LCK: variants seen among roughly 807,000 people sequenced by gnomAD.
The protein encoded by LCK is tyrosine-protein kinase Lck.
In LCK, 14 loss-of-function variants were observed where a neutral mutation model predicts 64.6. The ratio of observed to expected loss-of-function variants is 0.22; its 90% confidence interval spans 0.14 to 0.34. LCK has a LOEUF of 0.34. Among genes scored for constraint, LCK ranks in the 10% least tolerant of loss-of-function variants. LCK has a pLI of 1.00. For synonymous variants in LCK, 277 were observed against 263.6 expected (o/e 1.05, Z -0.49); for missense variants, 434 against 668.1 (o/e 0.65, Z 3.86).
chr1:32,260,180 T>C (rs1292637686), intron 1 of LCK, among the ~76,000 whole-genome samples: 3 of 151,946 alleles, frequency 2.0e-5, no homozygotes, highest in Non-Finnish European at 2.9e-5. Flanking sequence ...TTCAGCTAAT[T>C]TTTTGTATTT....
intron 12 of LCK, among the ~76,000 whole-genome samples, chr1:32,285,031 C>T (rs552501123): frequency 2.0e-5 from 3 of 151,398 alleles, no homozygotes; most frequent in Non-Finnish European, 2.9e-5. Context: ...CAGGTGGGCA[C>T]GGTGGCTCAC....
intron 12 of LCK, among the ~76,000 whole-genome samples, chr1:32,283,279 ACT>A (rs1371869539): frequency 1.5e-5 from 2 of 134,298 alleles, no homozygotes; most frequent in African/African-American, 6.0e-5. Context: ...ACAGAGCGAG[ACT>A]CTGTCTCAAA....
chr1:32,277,744 G>T (rs1640325941), intron 9 of LCK, among the ~76,000 whole-genome samples: 2 of 152,304 alleles, frequency 1.3e-5, no homozygotes, highest in South Asian at 4.1e-4. Flanking sequence ...TGGGTCAGAA[G>T]CCTGGCTTCA....
At chr1:32,284,972 G>A (rs1197907301) in intron 12 of LCK, among the ~76,000 whole-genome samples, 1 of 152,144 alleles carries the variant, frequency 6.6e-6, no homozygotes, top group African/African-American at 2.4e-5. Flanking sequence ...TCCAGCCTGG[G>A]CAACATAGTG....
At chr1:32,254,857 C>T (rs1258595320) in intron 1 of LCK, among the ~76,000 whole-genome samples, 1 of 152,138 alleles carries the variant, frequency 6.6e-6, no homozygotes, top group Admixed American at 6.5e-5. Flanking sequence ...GTTTTAAAAA[C>T]ACTCAAACAG....
rs763803879 is a variant in LCK at position 32,279,895 on chromosome 1, C to T, written c.1096C>T (p.Arg366Trp). The change falls in exon 11 of 13, where the codon CGG (arginine) becomes TGG (tryptophan). Residue 366 changes from arginine (R) to tryptophan (W), a missense_variant. Coordinates refer to ENST00000336890, the MANE Select transcript of LCK (RefSeq NM_005356.5). The part of the protein sequence containing the change: ...EERNYIHRDL[R>W]AANILVSDTL... ...GCGGAATTATATTCATCGTGACCTT[C>T]GGGCTGCCAACATTCTGGTGTCTGA... The T allele has an allele frequency of 1.2e-6, 2 of 1,614,186 alleles. No individual in the cohort carries two copies. Among genetic ancestry groups the T allele is most frequent in the Non-Finnish European group, 8.5e-7 (1 of 1,180,038 alleles).
chr1:32,284,552 T>C (rs1034212888), intron 12 of LCK, among the ~76,000 whole-genome samples: 1 of 151,664 alleles, frequency 6.6e-6, no homozygotes, highest in Non-Finnish European at 1.5e-5. Context: ...GTATTTTTAG[T>C]AAAGATGGGG....
In LCK at chr1:32,279,959, G is replaced by A; in HGVS notation, c.1160G>A (p.Arg387His). 3.1e-6 allele frequency: 5 copies of A among 1,614,156 alleles called. No homozygotes were observed. Among genetic ancestry groups the A allele is most frequent in the Non-Finnish European group, 4.2e-6 (5 of 1,180,040 alleles). ...SCKIADFGLA[R>H]LIEDNEYTAR... is the part of the protein sequence containing the mutation. ...AAGATTGCAGACTTTGGCCTAGCAC[G>A]CCTCATTGAGGACAACGAGTACACA... Residue 387 changes from arginine to histidine, a missense_variant, in exon 11 of 13, where the codon CGC (arginine) becomes CAC (histidine). Coordinates refer to ENST00000336890, the MANE Select transcript of LCK (RefSeq NM_005356.5).
chr1:32,271,256 G>A (rs941953790), intron 1 of LCK, among the ~76,000 whole-genome samples: 1 of 151,968 alleles, frequency 6.6e-6, no homozygotes, highest in African/African-American at 2.4e-5. Flanking sequence ...TACTGCCTCA[G>A]TCTCCCAAAG....
rs138690164 is a variant in LCK at position 32,274,614 on chromosome 1, T to C, written c.106-123T>C. 1,507 of 952,080 alleles carry C rather than the reference T, an allele frequency of 1.6e-3. 14 individuals carry two copies. The African/African-American group carries it at 0.023, about 15-fold the overall frequency. 59.0% of individuals were successfully genotyped at this position (952,080 alleles called of 1,614,324 possible). A position where few individuals can be genotyped will look rare whatever the true frequency, so the allele number is the denominator to read the frequency against. Reference sequence around the variant, plus strand: ...CTCCTAAGATCACACAGAAAGTAGTTGGTAAACTCAGGGATAACATCTAAC... The same window carrying C: ...CTCCTAAGATCACACAGAAAGTAGTCGGTAAACTCAGGGATAACATCTAAC... On this transcript the variant is annotated intron_variant, in intron 2 of 12. Coordinates refer to ENST00000336890, the MANE Select transcript of LCK (RefSeq NM_005356.5).
chr1:32,268,158 C>A (rs183724959), intron 1 of LCK, among the ~76,000 whole-genome samples: 1 of 151,860 alleles, frequency 6.6e-6, no homozygotes. Flanking sequence ...CGCGCCACTG[C>A]ACTCCAGCCT....
intron 1 of LCK, among the ~76,000 whole-genome samples, chr1:32,264,823 C>G (rs890075909): frequency 6.6e-6 from 1 of 152,098 alleles, no homozygotes; most frequent in Non-Finnish European, 1.5e-5. Flanking sequence ...GTCTCAAACT[C>G]CGGGGCTCAA....
chr1:32,276,254 T>C lies in LCK; in HGVS notation c.632-83T>C, dbSNP rs1292236069. Reference sequence around the variant, plus strand: ...CCCTTGCTAGTCCACTTCACCTAGATGGGGGCTTGGAGAAGTGGGGGAGGT... The same window carrying C: ...CCCTTGCTAGTCCACTTCACCTAGACGGGGGCTTGGAGAAGTGGGGGAGGT... On this transcript the variant is annotated intron_variant, in intron 7 of 12. Transcript: ENST00000336890. The surrounding 1 kb of genome is among the most constrained non-coding windows in gnomAD (Gnocchi z 4.6). 6.7e-7 allele frequency: 1 copy of C among 1,498,626 alleles called. No homozygotes were observed. Among genetic ancestry groups the C allele is most frequent in the Non-Finnish European group, 8.9e-7 (1 of 1,123,696 alleles). The allele number at this position is 1,498,626 out of a possible 1,614,324, so 92.8% of individuals were successfully genotyped here. A position where few individuals can be genotyped will look rare whatever the true frequency, so the allele number is the denominator to read the frequency against.
intron 1 of LCK, among the ~76,000 whole-genome samples, chr1:32,253,959 G>A (rs2124299270): frequency 6.6e-6 from 1 of 152,164 alleles, no homozygotes; most frequent in South Asian, 2.1e-4. Context: ...ATAAAACACA[G>A]ACTACATCCT....
chr1:32,276,636 G>A lies in LCK; in HGVS notation c.814G>A (p.Val272Met). Residue 272 changes from valine (V) to methionine (M), a missense_variant, in exon 9 of 13, where the codon GTG (valine) becomes ATG (methionine). Transcript: ENST00000336890. This position sits in a 1 kb window ranked among gnomAD's most constrained non-coding sequence, Gnocchi z 4.6. ...CTACAACGGGCACACGAAGGTGGCG[G>A]TGAAGAGCCTGAAGCAGGGCAGCAT... ...GYYNGHTKVA[V>M]KSLKQGSMSP... The A allele has an allele frequency of 6.2e-7, 1 of 1,613,414 alleles. No individual in the cohort carries two copies. The highest frequency in any genetic ancestry group is 8.5e-7 in the Non-Finnish European group (1 of 1,179,636).
intron 12 of LCK, among the ~76,000 whole-genome samples, chr1:32,280,972 T>A (rs529569492): frequency 6.6e-6 from 1 of 152,296 alleles, no homozygotes; most frequent in Non-Finnish European, 1.5e-5. Context: ...CCAGGTACAG[T>A]GGCTTATGCC....
chr1:32,251,693 T>C lies in LCK; in HGVS notation c.-6+322T>C, dbSNP rs1217281419. On this transcript the variant is annotated intron_variant, in intron 1 of 12. Coordinates refer to ENST00000336890, the MANE Select transcript of LCK (RefSeq NM_005356.5). The surrounding 1 kb of genome is among the most constrained non-coding windows in gnomAD (Gnocchi z 4.0). Reference sequence around the variant, plus strand: ...CCACCAAGCCCAGTCCCTCAGGCCATGAGGATGAGGCTCCTGAGGCCCAGA... The same window carrying C: ...CCACCAAGCCCAGTCCCTCAGGCCACGAGGATGAGGCTCCTGAGGCCCAGA... 6.6e-6 allele frequency among the ~76,000 whole-genome samples: 1 copy of C among 152,066 alleles called. No homozygotes were observed. Among genetic ancestry groups the C allele is most frequent in the Non-Finnish European group, 1.5e-5 (1 of 68,008 alleles).
At chr1:32,267,786 T>TG (rs745970727) in intron 1 of LCK, among the ~76,000 whole-genome samples, 17 of 151,714 alleles carry the variant, frequency 1.1e-4, no homozygotes, top group Non-Finnish European at 1.9e-4. Context: ...CCCAGTTACT[T>TG]GGGAGGCTGA....
At chr1:32,266,231 G>A (rs1341037184) in intron 1 of LCK, among the ~76,000 whole-genome samples, 4 of 151,872 alleles carry the variant, frequency 2.6e-5, no homozygotes, top group Admixed American at 1.3e-4. Context: ...GGTGGCTCAC[G>A]CCTGTGATCC....
Sources: allele counts gnomAD v4.1 joint callset (sites outside exome capture counted in the v4.1 genomes callset), GRCh38; gene constraint gnomAD v4.1.1; non-coding constraint Gnocchi (gnomAD v3.1); transcripts MANE v1.5; gene names NCBI Gene and HGNC (gene_info 2026-07-23, HGNC 2026-07-21).